Variants in PLCB4 observed in about 807,000 individuals in gnomAD.
The protein encoded by PLCB4 is 1-phosphatidylinositol 4,5-bisphosphate phosphodiesterase beta-4.
PLCB4 carries 77 observed loss-of-function variants against 178.8 expected under a neutral mutation model. The observed-to-expected ratio is 0.43, with a 90% CI of 0.36 to 0.52. PLCB4 has a LOEUF of 0.52. Ranked by LOEUF, PLCB4 falls within the 20% of genes least tolerant of loss-of-function variation. PLCB4 has a pLI of 0.00. For missense variants in PLCB4, 1,024 were observed against 1,453.4 expected (o/e 0.70, Z 4.80); for synonymous variants, 496 against 490.8 (o/e 1.01, Z -0.14).
In PLCB4 at chr20:9,387,532, A is replaced by AATGTGT; in HGVS notation, c.1136_1141dup (p.Met379_Cys380dup). ...AACCAATAATAACTCATGGAAAAGCAATGTGTACAGATATCCTTTTTAAGG... is the reference window on the plus strand; with the variant it reads ...AACCAATAATAACTCATGGAAAAGCAATGTGTATGTGTACAGATATCCTTTTTAAGG... On this transcript the variant is annotated inframe_insertion, in exon 15 of 40. Transcript: ENST00000378473. 1 of 1,584,150 alleles carries AATGTGT rather than the reference A, an allele frequency of 6.3e-7. No individual in the cohort carries two copies. Among genetic ancestry groups the AATGTGT allele is most frequent in the Non-Finnish European group, 8.7e-7 (1 of 1,154,796 alleles).
At chr20:9,244,457 T>C (rs1253664916) in intron 3 of PLCB4, among the ~76,000 whole-genome samples, 3 of 152,208 alleles carry the variant, frequency 2.0e-5, no homozygotes, top group Non-Finnish European at 4.4e-5. Context: ...CTAGTTACTT[T>C]CAGAAACTTA....
At chr20:9,152,397 G>A (rs1037250909) in intron 2 of PLCB4, among the ~76,000 whole-genome samples, 2 of 152,136 alleles carry the variant, frequency 1.3e-5, no homozygotes, top group African/African-American at 4.8e-5. Flanking sequence ...TCCCTGTGTG[G>A]TGTACAGCCT....
chr20:9,292,564 G>A (rs936689139), intron 3 of PLCB4, among the ~76,000 whole-genome samples: 9 of 152,162 alleles, frequency 5.9e-5, no homozygotes, highest in Non-Finnish European at 2.9e-5. Flanking sequence ...GGAGAACAGA[G>A]GTTCAGGCCA....
At chr20:9,361,723 C>T (rs1027801323) in intron 7 of PLCB4, among the ~76,000 whole-genome samples, 5 of 152,148 alleles carry the variant, frequency 3.3e-5, no homozygotes, top group Admixed American at 6.5e-5. Flanking sequence ...TCTGTTAGAA[C>T]GCAGTCATCA....
At chr20:9,308,647 T>C (rs578001623) in intron 4 of PLCB4, among the ~76,000 whole-genome samples, 1 of 152,342 alleles carries the variant, frequency 6.6e-6, no homozygotes, top group Non-Finnish European at 1.5e-5. Flanking sequence ...ATGAAATGTA[T>C]GAAGTGGCTA....
chr20:9,142,519 T>G (rs1307302478), intron 2 of PLCB4, among the ~76,000 whole-genome samples: 1 of 152,080 alleles, frequency 6.6e-6, no homozygotes, highest in Non-Finnish European at 1.5e-5. Flanking sequence ...AACACAAACT[T>G]GGGAGTTTTA....
At chr20:9,325,071 C>T (rs73897378) in intron 4 of PLCB4, among the ~76,000 whole-genome samples, 5,871 of 152,152 alleles carry the variant, frequency 0.039, 364 homozygotes, top group African/African-American at 0.13. Context: ...TAATTACTTG[C>T]TCAGTGTAAT....
chr20:9,310,464 A>C (rs61712536), intron 4 of PLCB4, among the ~76,000 whole-genome samples: 5,472 of 152,248 alleles, frequency 0.036, 292 homozygotes, highest in African/African-American at 0.12. Flanking sequence ...TAATCCCAGC[A>C]CTTTGGGAGG....
chr20:9,249,711 T>C (rs2147474126), intron 3 of PLCB4, among the ~76,000 whole-genome samples: 1 of 152,270 alleles, frequency 6.6e-6, no homozygotes, highest in South Asian at 2.1e-4. Flanking sequence ...TCATTCTGCC[T>C]ATCACATCCC....
intron 2 of PLCB4, among the ~76,000 whole-genome samples, chr20:9,161,697 A>T (rs1315637628): frequency 2.6e-5 from 4 of 152,012 alleles, no homozygotes; most frequent in Non-Finnish European, 5.9e-5. Context: ...GACTTTGTAT[A>T]TTTTTTTTCT....
intron 4 of PLCB4, among the ~76,000 whole-genome samples, chr20:9,335,042 G>T (rs2032252991): frequency 6.6e-6 from 1 of 151,990 alleles, no homozygotes. Flanking sequence ...TAGGTGATAG[G>T]GTGCACATAA....
chr20:9,260,437 G>C (rs1172582588), intron 3 of PLCB4, among the ~76,000 whole-genome samples: 1 of 152,082 alleles, frequency 6.6e-6, no homozygotes, highest in African/African-American at 2.4e-5. Flanking sequence ...TAGAATGTGT[G>C]TGCCATTTGA....
chr20:9,091,027 G>T (rs1207191553), intron 1 of PLCB4, among the ~76,000 whole-genome samples: 2 of 152,034 alleles, frequency 1.3e-5, no homozygotes, highest in African/African-American at 4.8e-5. Flanking sequence ...TAGACACAGT[G>T]GGTTTTATTT....
At chr20:9,307,494 TACACACACACACACACACAC>T (rs745918024) in intron 3 of PLCB4, among the ~76,000 whole-genome samples, 6,876 of 138,106 alleles carry the variant, frequency 0.05, 225 homozygotes, top group Non-Finnish European at 0.071. Flanking sequence ...AAAAAAAGAA[TACACACACACACACACACAC>T]ACACACACAC....
chr20:9,274,347 T>TA (rs932767171), intron 3 of PLCB4, among the ~76,000 whole-genome samples: 8 of 152,028 alleles, frequency 5.3e-5, no homozygotes. Context: ...TGTCATCTCT[T>TA]AAAAATTGCA....
At chr20:9,421,509 A>G (rs148284826) in intron 27 of PLCB4, 48 bp downstream of exon 27, 14 of 1,515,300 alleles carry the variant, frequency 9.2e-6, no homozygotes, top group Non-Finnish European at 1.2e-5. Flanking sequence ...CTTGGGAGCC[A>G]TGTTTTAGTT....
chr20:9,105,000 G>A (rs543743566), intron 2 of PLCB4, among the ~76,000 whole-genome samples: 1 of 151,852 alleles, frequency 6.6e-6, no homozygotes, highest in Non-Finnish European at 1.5e-5. Context: ...TTAATCTTTA[G>A]TTGCTCTGAT....
At position 9,374,337 on chromosome 20, in the gene PLCB4, A is replaced by G. The variant is rs995819183; in HGVS notation, c.744+1233A>G. ...ACTGGTTTTTAGTCATATAAATACA[A>G]TGTTCATAATCTTTACCCAGATACT... On this transcript the variant is annotated intron_variant, in intron 12 of 39. Coordinates refer to ENST00000378473, the MANE Select transcript of PLCB4 (RefSeq NM_001377142.1). 3.9e-5 allele frequency among the ~76,000 whole-genome samples: 6 copies of G among 152,332 alleles called. No homozygotes were observed. The South Asian group carries it at 1.0e-3, about 26-fold the overall frequency.
chr20:9,409,752 A>G (rs1370596935), intron 24 of PLCB4, among the ~76,000 whole-genome samples: 1 of 151,632 alleles, frequency 6.6e-6, no homozygotes, highest in Non-Finnish European at 1.5e-5. Flanking sequence ...GGTTTCCAAT[A>G]TATAATGACT....
Sources: gnomAD v4.1 joint callset for allele counts (sites outside exome capture counted in the v4.1 genomes callset) on GRCh38, gnomAD v4.1.1 for gene constraint, MANE v1.5 for transcripts, NCBI Gene and HGNC (gene_info 2026-07-23, HGNC 2026-07-21) for gene names.